Variants in PPFIA4 observed in about 807,000 individuals in gnomAD.
The protein encoded by PPFIA4 is liprin-alpha-4.
In PPFIA4, 98 loss-of-function variants were observed where a neutral mutation model predicts 145.7. The ratio of observed to expected loss-of-function variants is 0.67; its 90% CI spans 0.57 to 0.80. PPFIA4 has a LOEUF of 0.80. PPFIA4 is among the 30% of genes least tolerant of loss of function. PPFIA4 has a pLI of 0.00. For synonymous variants in PPFIA4, 628 were observed against 649.6 expected (o/e 0.97, Z 0.51); for missense variants, 1,457 against 1,632.7 (o/e 0.89, Z 1.85).
intron 1 of PPFIA4, among the ~76,000 whole-genome samples, chr1:203,031,754 TTATTAC>T (rs1272045648): frequency 6.6e-6 from 1 of 152,248 alleles, no homozygotes. Flanking sequence ...TTTGCTATGC[TTATTAC>T]TTTGTTTCTT....
intron 14 of PPFIA4, among the ~76,000 whole-genome samples, chr1:203,052,902 C>T (rs1558083782): frequency 6.6e-6 from 1 of 152,240 alleles, no homozygotes; most frequent in Non-Finnish European, 1.5e-5. Context: ...CTATTCAGGC[C>T]TGCTTGGCCT....
At position 203,053,119 on chromosome 1, in the gene PPFIA4, T is replaced by G. The variant is rs75020715; in HGVS notation, c.1621-634T>G. ...TGAGGCACAGAGAGGTTAAAAAATGTTCCTATGGTTGCACAACTAGTGTTT... is the reference window on the plus strand; with the variant it reads ...TGAGGCACAGAGAGGTTAAAAAATGGTCCTATGGTTGCACAACTAGTGTTT... On this transcript the variant is annotated intron_variant, in intron 14 of 29. Coordinates refer to ENST00000295706, the MANE Select transcript of PPFIA4 (RefSeq NM_001304331.2). 6.5e-4 allele frequency among the ~76,000 whole-genome samples: 99 copies of G among 152,362 alleles called. No homozygotes were observed. The South Asian group carries it at 0.012, about 19-fold the overall frequency.
Position 203,043,341 on chromosome 1 carries a change from A to G in PPFIA4, c.235-56A>G. 2.7e-6 allele frequency: 4 copies of G among 1,474,088 alleles called. No individual in the cohort carries two copies. The highest frequency in any genetic ancestry group is 2.8e-6 in the Non-Finnish European group (3 of 1,073,114). 91.3% of individuals were successfully genotyped at this position (1,474,088 alleles called of 1,614,324 possible). ...GATCCCACCACTGACTTGCATGTGC[A>G]GGACACTGCTTTGGGGGTGAATCCT... On this transcript the variant is annotated intron_variant, in intron 2 of 29. Coordinates refer to ENST00000295706, the MANE Select transcript of PPFIA4 (RefSeq NM_001304331.2). The surrounding 1 kb of genome is among the most constrained non-coding windows in gnomAD (Gnocchi z 4.4).
chr1:203,044,674 C>T (rs912256817), intron 5 of PPFIA4, 22 bp from the exon 6 acceptor site: 5 of 1,541,830 alleles, frequency 3.2e-6, no homozygotes, highest in Admixed American at 2.0e-5. Flanking sequence ...TGACTCATTG[C>T]CCTGGGGCTT....
intron 27 of PPFIA4, among the ~76,000 whole-genome samples, chr1:203,069,284 C>T (rs1030174472): frequency 4.6e-5 from 7 of 152,152 alleles, no homozygotes; most frequent in African/African-American, 1.7e-4. Flanking sequence ...GTAATAGATT[C>T]TAGAAGTACT....
chr1:203,042,100 G>A (rs1659733525), intron 2 of PPFIA4, among the ~76,000 whole-genome samples: 1 of 152,154 alleles, frequency 6.6e-6, no homozygotes, highest in South Asian at 2.1e-4. Context: ...ATGAATCCTT[G>A]GTGTGTGAGG....
At chr1:203,051,167 ACT>A (rs1202583543) in intron 13 of PPFIA4, 1 of 984,972 alleles carries the variant, frequency 1.0e-6, no homozygotes, top group Admixed American at 6.2e-5. Flanking sequence ...GTTGGAATAG[ACT>A]CTTGGGGCAA....
chr1:203,056,318 G>A, intron 17 of PPFIA4, 57 bp from the exon 18 acceptor site: 1 of 1,603,604 alleles, frequency 6.2e-7, no homozygotes, highest in South Asian at 1.1e-5. Context: ...TTCTGGGCTG[G>A]GTAGGCAGGC....
At chr1:203,027,854 T>G (rs140529700) in intron 1 of PPFIA4, among the ~76,000 whole-genome samples, 1 of 152,102 alleles carries the variant, frequency 6.6e-6, no homozygotes, top group East Asian at 1.9e-4. Flanking sequence ...TGCTGTTGGA[T>G]TAGAAAAAGA....
At chr1:203,054,463 G>A (rs1280317479) in intron 15 of PPFIA4, among the ~76,000 whole-genome samples, 1 of 152,206 alleles carries the variant, frequency 6.6e-6, no homozygotes, top group Non-Finnish European at 1.5e-5. Flanking sequence ...ACTGCACCAT[G>A]CCTCCTGTCC....
rs1661315285 is a variant in PPFIA4, at chr1:203,060,920, A to G, written c.2785-50A>G. 3 of 1,558,684 alleles carry G rather than the reference A, an allele frequency of 1.9e-6. No individual in the cohort carries two copies. Among genetic ancestry groups the G allele is most frequent in the Non-Finnish European group, 2.7e-6 (3 of 1,130,250 alleles). Reference sequence around the variant, plus strand: ...CCTTTGGGCTCCCAGCCTGATGGGGATCCTGGGGACCCACACCCAGGACCA... The same window carrying G: ...CCTTTGGGCTCCCAGCCTGATGGGGGTCCTGGGGACCCACACCCAGGACCA... On this transcript the variant is annotated intron_variant, in intron 22 of 29. Transcript: ENST00000295706. The surrounding 1 kb of genome is among the most constrained non-coding windows in gnomAD (Gnocchi z 4.8).
intron 20 of PPFIA4, 43 bp downstream of exon 20, chr1:203,059,314 C>A: frequency 7.0e-7 from 1 of 1,427,812 alleles, no homozygotes; most frequent in Non-Finnish European, 9.7e-7. Flanking sequence ...GGGCCCAGCC[C>A]CCTACCCACT....
At chr1:203,056,060 G>A (rs1571710788) in intron 16 of PPFIA4, 60 bp from the exon 17 acceptor site, 1 of 1,583,204 alleles carries the variant, frequency 6.3e-7, no homozygotes, top group East Asian at 2.2e-5. Flanking sequence ...GGCTCCCCTG[G>A]GGTTGGCTCT....
In PPFIA4 at chr1:203,046,268, C is replaced by T. The variant is rs1660076219; in HGVS notation, c.1026C>T (p.His342=). 4 of 1,595,482 alleles carry T rather than the reference C, an allele frequency of 2.5e-6. No individual in the cohort carries two copies. The highest frequency in any genetic ancestry group is 1.3e-5 in the African/African-American group (1 of 74,684). ...GCTAGTGTGAGGAGAAGGCCCGACA[C>T]CTGCAGGAGCTGCTGGAGGTGGCAG... ...LHRQCEEKAR[H]LQELLEVAEQ... Residue 342 remains histidine, a synonymous_variant, in exon 9 of 30, where the codon CAC becomes CAT. Transcript: ENST00000295706.
At chr1:203,066,768 C>T (rs972794163) in intron 25 of PPFIA4, among the ~76,000 whole-genome samples, 10 of 152,276 alleles carry the variant, frequency 6.6e-5, no homozygotes, top group South Asian at 2.1e-4. Flanking sequence ...GTAATTTATG[C>T]GAATTAATTA....
At chr1:203,076,318 G>T (rs746267826) in intron 29 of PPFIA4, 23 bp from the exon 30 acceptor site, 2 of 1,600,740 alleles carry the variant, frequency 1.2e-6, no homozygotes, top group East Asian at 2.2e-5. Flanking sequence ...ACAGTGCGAT[G>T]CCTGTCTCTC....
chr1:203,056,983 G>A (rs368869719), intron 19 of PPFIA4, 33 bp downstream of exon 19: 7 of 1,608,766 alleles, frequency 4.4e-6, no homozygotes, highest in East Asian at 2.2e-5. Flanking sequence ...AGGTCTGGGC[G>A]GGCATTGGGG....
intron 1 of PPFIA4, chr1:203,034,505 G>A (rs1365363043): frequency 8.8e-6 from 4 of 456,586 alleles, no homozygotes; most frequent in African/African-American, 2.0e-5. Flanking sequence ...CCCCAAGGAC[G>A]AGGGCTCCGA....
rs906796192 is a variant in PPFIA4, at chr1:203,044,294, G to C, written c.502-85G>C. 3 of 1,342,964 alleles carry C rather than the reference G, an allele frequency of 2.2e-6. No homozygotes were observed. In the African/African-American group the frequency reaches 4.4e-5, roughly 19 times the overall value. 83.2% of individuals were successfully genotyped at this position (1,342,964 alleles called of 1,614,324 possible). ...AGGCCCTTCACTGTCCTCATGCTCA[G>C]TGGTGGTAGACCAAGCCCAGTCTCT... is the stretch of plus-strand genomic sequence containing the variant. On this transcript the variant is annotated intron_variant, in intron 4 of 29. Coordinates refer to ENST00000295706, the MANE Select transcript of PPFIA4 (RefSeq NM_001304331.2).
Sources: gnomAD v4.1 joint callset for allele counts (sites outside exome capture counted in the v4.1 genomes callset) on GRCh38, gnomAD v4.1.1 for gene constraint, Gnocchi (gnomAD v3.1) non-coding constraint, MANE v1.5 for transcripts, NCBI Gene and HGNC (gene_info 2026-07-23, HGNC 2026-07-21) for gene names.